The following ARHGEF10L variants were observed in gnomAD, a reference collection of about 807,000 sequenced individuals.
ARHGEF10L encodes Rho guanine nucleotide exchange factor 10 like, also known as rho guanine nucleotide exchange factor 10-like protein.
In ARHGEF10L, 69 loss-of-function variants were observed where a neutral mutation model predicts 141.2. The ratio of observed to expected loss-of-function variants is 0.49; its 90% CI spans 0.40 to 0.60. The LOEUF (loss-of-function observed/expected upper bound fraction) is 0.60, where lower values mean the gene tolerates loss of function less well. Ranked by LOEUF, ARHGEF10L falls within the 20% of genes least tolerant of loss-of-function variation. The probability of loss-of-function intolerance (pLI) is 0.00; values close to 1 mark genes in which losing one functional copy is unlikely to be tolerated. For synonymous variants in ARHGEF10L, 711 were observed against 718.5 expected (o/e 0.99, Z 0.17); for missense variants, 1,482 against 1,734.3 (o/e 0.85, Z 2.58).
Position 17,621,742 on chromosome 1 carries a change from T to C in ARHGEF10L, c.943-122T>C. 5.9e-6 allele frequency: 5 copies of C among 851,294 alleles called. No homozygotes were observed. Among genetic ancestry groups the C allele is most frequent in the Non-Finnish European group, 9.8e-6 (5 of 510,402 alleles). The allele number at this position is 851,294 out of a possible 1,614,324, so 52.7% of individuals were successfully genotyped here. A position where few individuals can be genotyped will look rare whatever the true frequency, so the allele number is the denominator to read the frequency against. ...GAAGAGTGGCCACCAGGCCCAGTGG[T>C]CCCAGGTGGGACCTGGGAGGGATGG... On this transcript the variant is annotated intron_variant, in intron 10 of 28. Coordinates refer to ENST00000361221, the MANE Select transcript of ARHGEF10L (RefSeq NM_018125.4). The surrounding 1 kb of genome is among the most constrained non-coding windows in gnomAD (Gnocchi z 4.1).
chr1:17,660,627 C>T (rs1230336036), intron 25 of ARHGEF10L, among the ~76,000 whole-genome samples: 1 of 152,196 alleles, frequency 6.6e-6, no homozygotes, highest in Non-Finnish European at 1.5e-5. Flanking sequence ...CCAATCTCGA[C>T]CCCTGAGGGA....
rs573227778 is a variant in ARHGEF10L at position 17,658,030 on chromosome 1, T to C, written c.2860+1322T>C. Among the ~76,000 whole-genome samples the C allele has an allele frequency of 1.3e-3, 204 of 152,372 alleles. 1 individual carries two copies. Among genetic ancestry groups the C allele is most frequent in the Non-Finnish European group, 2.4e-3 (166 of 68,038 alleles). ...CTGGGGTCCGTGTTTGGATGGGTCA[T>C]GTGCCCTCAGAAGGCACTAGGGAAG... On this transcript the variant is annotated intron_variant, in intron 25 of 28. Coordinates refer to ENST00000361221, the MANE Select transcript of ARHGEF10L (RefSeq NM_018125.4).
At chr1:17,582,155 C>T (rs61669876) in intron 2 of ARHGEF10L, among the ~76,000 whole-genome samples, 18,996 of 150,418 alleles carry the variant, frequency 0.13, 1,231 homozygotes, top group South Asian at 0.22. Context: ...GGATAGAAGG[C>T]GGCCTTGGAG....
chr1:17,573,798 C>T lies in ARHGEF10L; in HGVS notation c.-43-6755C>T, dbSNP rs1187201476. 6.6e-6 allele frequency among the ~76,000 whole-genome samples: 1 copy of T among 151,948 alleles called. No individual in the cohort carries two copies. The highest frequency in any genetic ancestry group is 1.5e-5 in the Non-Finnish European group (1 of 67,932). On this transcript the variant is annotated intron_variant, in intron 1 of 28. Coordinates refer to ENST00000361221, the MANE Select transcript of ARHGEF10L (RefSeq NM_018125.4). The surrounding 1 kb of genome is among the most constrained non-coding windows in gnomAD (Gnocchi z 4.8). ...CAGTGCTCCCCACTCTTCCTGCCTG[C>T]AGATCCTCACCAGGGGCTCCCTAGG...
intron 1 of ARHGEF10L, among the ~76,000 whole-genome samples, chr1:17,575,340 G>C (rs2078176988): frequency 1.3e-5 from 2 of 152,364 alleles, no homozygotes; most frequent in South Asian, 4.1e-4. Flanking sequence ...TTTTTAAAAA[G>C]CTTCACAACT....
Position 17,695,292 on chromosome 1 carries a change from G to A in ARHGEF10L, c.3307+12G>A. On this transcript the variant is annotated intron_variant, in intron 28 of 28. Coordinates refer to ENST00000361221, the MANE Select transcript of ARHGEF10L (RefSeq NM_018125.4). The stretch of plus-strand genomic sequence containing the variant: ...CCCCAAGATCACAGGTGAGGCTTTG[G>A]GAGCTGGTGTTGGCAGGACCAGGGG... 6.4e-7 allele frequency: 1 copy of A among 1,566,600 alleles called. No individual in the cohort carries two copies. The highest frequency in any genetic ancestry group is 2.2e-5 in the East Asian group (1 of 44,624).
At position 17,621,799 on chromosome 1, in the gene ARHGEF10L, TC is replaced by T; in HGVS notation, c.943-63del. ...CTGTCCTATAGTTGTCAGCTCCCCT[TC>T]CTGTCACTTGGGCCCTGTGCAGCAG... On this transcript the variant is annotated intron_variant, in intron 10 of 28. Transcript: ENST00000361221. This position sits in a 1 kb window ranked among gnomAD's most constrained non-coding sequence, Gnocchi z 4.1. 1.8e-6 allele frequency: 2 copies of T among 1,135,854 alleles called. No homozygotes were observed. Among genetic ancestry groups the T allele is most frequent in the Admixed American group, 3.7e-5 (2 of 53,336 alleles). 70.4% of individuals were successfully genotyped at this position (1,135,854 alleles called of 1,614,324 possible). A position where few individuals can be genotyped will look rare whatever the true frequency, so the allele number is the denominator to read the frequency against.
chr1:17,695,387 G>A, intron 28 of ARHGEF10L, 107 bp downstream of exon 28: 5 of 1,425,864 alleles, frequency 3.5e-6, no homozygotes, highest in Non-Finnish European at 4.6e-6. Flanking sequence ...TAGGGATGGG[G>A]TTCCAGTCTC....
chr1:17,585,441 T>TG (rs2078946736), intron 2 of ARHGEF10L, among the ~76,000 whole-genome samples: 1 of 152,182 alleles, frequency 6.6e-6, no homozygotes, highest in South Asian at 2.1e-4. Flanking sequence ...TCATGACACC[T>TG]GGGGAAGGAG....
chr1:17,574,389 G>T (rs770094806), intron 1 of ARHGEF10L, among the ~76,000 whole-genome samples: 5 of 152,190 alleles, frequency 3.3e-5, no homozygotes, highest in Non-Finnish European at 7.3e-5. Flanking sequence ...GGTGGAATAC[G>T]TTTGTCTTGG....
intron 4 of ARHGEF10L, among the ~76,000 whole-genome samples, chr1:17,601,527 C>A (rs146103781): frequency 1.3e-5 from 2 of 152,146 alleles, no homozygotes; most frequent in African/African-American, 2.4e-5. Context: ...GTCACTGCAA[C>A]CTTCCTCTTC....
intron 1 of ARHGEF10L, among the ~76,000 whole-genome samples, chr1:17,541,050 G>A (rs904647253): frequency 6.6e-6 from 1 of 152,140 alleles, no homozygotes; most frequent in Non-Finnish European, 1.5e-5. Flanking sequence ...CCTTCATCGG[G>A]CCCTCAGGCT....
chr1:17,636,517 G>A (rs1046850227), intron 18 of ARHGEF10L, among the ~76,000 whole-genome samples: 1 of 152,116 alleles, frequency 6.6e-6, no homozygotes, highest in African/African-American at 2.4e-5. Flanking sequence ...GTGTGGATGT[G>A]GCTCAGGCCC....
chr1:17,669,816 A>G (rs1557990104), intron 26 of ARHGEF10L, among the ~76,000 whole-genome samples: 1 of 152,246 alleles, frequency 6.6e-6, no homozygotes, highest in Non-Finnish European at 1.5e-5. Context: ...GAAATGAGCA[A>G]GGTGGGCTCA....
chr1:17,526,454 G>A, the ARHGEF10L span, among the ~76,000 whole-genome samples: 3 of 152,184 alleles, frequency 2.0e-5, no homozygotes, highest in South Asian at 6.2e-4. Context: ...CCCTTCTGAT[G>A]GTGTGAACTT....
chr1:17,528,115 C>A, the ARHGEF10L span, among the ~76,000 whole-genome samples: 1 of 152,124 alleles, frequency 6.6e-6, no homozygotes, highest in Non-Finnish European at 1.5e-5. Flanking sequence ...CTGCCTTGGT[C>A]TCCCAAAATG....
intron 22 of ARHGEF10L, among the ~76,000 whole-genome samples, chr1:17,649,255 T>A (rs1181259583): frequency 6.6e-6 from 1 of 152,202 alleles, no homozygotes; most frequent in African/African-American, 2.4e-5. Flanking sequence ...TAGTAAGAAT[T>A]TGAACCTTGC....
chr1:17,696,579 C>G (rs2065517311), intron 28 of ARHGEF10L, among the ~76,000 whole-genome samples: 1 of 152,302 alleles, frequency 6.6e-6, no homozygotes, highest in East Asian at 1.9e-4. Flanking sequence ...GGCAGAGGAG[C>G]TGCTTGGCAA....
At chr1:17,631,529 C>T (rs1306818660) in intron 15 of ARHGEF10L, among the ~76,000 whole-genome samples, 2 of 152,200 alleles carry the variant, frequency 1.3e-5, no homozygotes, top group Non-Finnish European at 2.9e-5. Context: ...GATGGGGTCC[C>T]CTGCACAAGG....
Sources: allele counts gnomAD v4.1 joint callset (sites outside exome capture counted in the v4.1 genomes callset), GRCh38; gene constraint gnomAD v4.1.1; non-coding constraint Gnocchi (gnomAD v3.1); transcripts MANE v1.5; gene names NCBI Gene and HGNC (gene_info 2026-07-23, HGNC 2026-07-21).